Variants in AGBL1 observed in about 807,000 individuals in gnomAD.
AGBL1 encodes the protein cytosolic carboxypeptidase 4.
A neutral mutation model predicts 118.9 loss-of-function variants in AGBL1; 130 were observed. That is an observed-to-expected ratio of 1.09 (90% CI 0.95 to 1.26). The LOEUF is 1.26. Among genes scored for constraint, AGBL1 ranks in the 50% most tolerant of loss-of-function variants. The pLI is 0.00. For missense variants in AGBL1, 1,584 were observed against 1,298.1 expected (o/e 1.22, Z -3.38); for synonymous variants, 555 against 478.9 (o/e 1.16, Z -2.08).
chr15:86,108,464 G>A (rs1422017480), intron 1 of AGBL1, among the ~76,000 whole-genome samples: 1 of 152,188 alleles, frequency 6.6e-6, no homozygotes, highest in East Asian at 1.9e-4. Context: ...GAATATAGGA[G>A]ATTAGAGTGC....
chr15:86,294,273 C>T (rs1418510853), intron 16 of AGBL1, among the ~76,000 whole-genome samples: 3 of 151,718 alleles, frequency 2.0e-5, no homozygotes, highest in African/African-American at 7.3e-5. Context: ...GTCGTGGGTG[C>T]CTGTAATCCC....
intron 21 of AGBL1, among the ~76,000 whole-genome samples, chr15:86,635,311 CT>C (rs1281811643): frequency 1.1e-3 from 7 of 6,230 alleles, no homozygotes; most frequent in Non-Finnish European, 3.0e-3. Flanking sequence ...CCTCCTCCTC[CT>C]CCTCCTCCTC....
At chr15:86,127,300 G>T (rs1361943495) in intron 1 of AGBL1, among the ~76,000 whole-genome samples, 1 of 152,146 alleles carries the variant, frequency 6.6e-6, no homozygotes, top group Non-Finnish European at 1.5e-5. Flanking sequence ...ATAACATTGT[G>T]TTTATTATTG....
chr15:86,238,061 G>A (rs528091815), intron 6 of AGBL1, among the ~76,000 whole-genome samples: 148 of 152,214 alleles, frequency 9.7e-4, no homozygotes, highest in South Asian at 2.3e-3. Flanking sequence ...CAGCTCCAAT[G>A]CCCCCTCCTC....
chr15:87,025,228 AC>A (rs770388148), intron 24 of AGBL1, among the ~76,000 whole-genome samples: 3 of 151,920 alleles, frequency 2.0e-5, no homozygotes, highest in Non-Finnish European at 4.4e-5. Context: ...TACCTAGAAA[AC>A]CCTAAAGACT....
At chr15:86,927,619 T>G (rs72754060) in intron 23 of AGBL1, among the ~76,000 whole-genome samples, 5,942 of 152,168 alleles carry the variant, frequency 0.039, 157 homozygotes, top group Middle Eastern at 0.071. Context: ...TTTTAAAAAG[T>G]TACTTTAGGC....
At chr15:86,222,869 G>T (rs1344841673) in intron 5 of AGBL1, among the ~76,000 whole-genome samples, 2 of 152,096 alleles carry the variant, frequency 1.3e-5, no homozygotes, top group Non-Finnish European at 2.9e-5. Context: ...AACATCGAAA[G>T]GGTAACTAAG....
rs1365500189 is a variant in AGBL1 at position 86,554,537 on chromosome 15, G to A, written c.2994G>A (p.Gln998=). 9 of 1,501,424 alleles carry A rather than the reference G, an allele frequency of 6.0e-6. No homozygotes were observed. The highest frequency in any genetic ancestry group is 8.0e-6 in the Non-Finnish European group (9 of 1,127,210). 93.0% of individuals were successfully genotyped at this position (1,501,424 alleles called of 1,614,324 possible). ...SYCGCNQGPY[Q]GLQFGTRELE... is the part of the protein sequence containing the mutation. ...GTGGCTGCAACCAGGGCCCTTATCA[G>A]GTATGTGAGGCTGCAGGACACCCAT... is the stretch of plus-strand genomic sequence containing the variant. Residue 998 remains glutamine, a splice_region_variant and synonymous_variant, in exon 21 of 23, where the codon CAG becomes CAA. Transcript: ENST00000614907.
chr15:86,212,779 A>T (rs189029682), intron 5 of AGBL1, among the ~76,000 whole-genome samples: 1 of 152,246 alleles, frequency 6.6e-6, no homozygotes, highest in African/African-American at 2.4e-5. Context: ...CCTCCCAAGT[A>T]GCTGGGATTA....
At chr15:86,130,455 A>T (rs925575508) in intron 1 of AGBL1, among the ~76,000 whole-genome samples, 1 of 152,160 alleles carries the variant, frequency 6.6e-6, no homozygotes, top group African/African-American at 2.4e-5. Context: ...TAATTGAAAC[A>T]TGAGGAAAGC....
At chr15:86,546,440 C>T (rs1312836433) in intron 20 of AGBL1, among the ~76,000 whole-genome samples, 1 of 151,988 alleles carries the variant, frequency 6.6e-6, no homozygotes, top group Non-Finnish European at 1.5e-5. Context: ...TACAATTATT[C>T]GATTATTAAC....
At chr15:86,967,811 TC>T (rs2141697589) in intron 23 of AGBL1, among the ~76,000 whole-genome samples, 3 of 152,250 alleles carry the variant, frequency 2.0e-5, no homozygotes, top group Non-Finnish European at 4.4e-5. Context: ...CAATGTGGGC[TC>T]TTTTTTTGTT....
chr15:86,994,309 C>CTA (rs1167231030), intron 24 of AGBL1, among the ~76,000 whole-genome samples: 73 of 134,388 alleles, frequency 5.4e-4, no homozygotes, highest in African/African-American at 1.9e-3. Flanking sequence ...ATCTCTCTCT[C>CTA]TCTATATATA....
Position 86,899,565 on chromosome 15 carries a change from A to C in AGBL1, c.3159-7522A>C, listed in dbSNP as rs182926618. Among the ~76,000 whole-genome samples, 291 of 152,250 alleles carry C rather than the reference A, an allele frequency of 1.9e-3. 2 individuals are homozygous for C. The highest frequency in any genetic ancestry group is 3.4e-3 in the Middle Eastern group (1 of 294). ...TTAAAAAAGTAGCTTGAAATTCTTTATTTCAAAATCTTAAAATTCTTTAAA... is the reference window on the plus strand; with the variant it reads ...TTAAAAAAGTAGCTTGAAATTCTTTCTTTCAAAATCTTAAAATTCTTTAAA... On this transcript the variant is annotated intron_variant, in intron 22 of 22. Transcript: ENST00000614907.
intron 22 of AGBL1, among the ~76,000 whole-genome samples, chr15:86,847,737 C>T (rs1028982745): frequency 6.6e-6 from 1 of 152,294 alleles, no homozygotes; most frequent in Non-Finnish European, 1.5e-5. Context: ...CGTCCTCTTG[C>T]ACACGTATGC....
At chr15:86,491,455 G>C (rs553864197) in intron 18 of AGBL1, among the ~76,000 whole-genome samples, 1 of 152,228 alleles carries the variant, frequency 6.6e-6, no homozygotes, top group Admixed American at 6.5e-5. Context: ...AATTCTGTGA[G>C]GCTTTCAGGC....
chr15:86,379,434 T>C (rs1279813279), intron 17 of AGBL1, among the ~76,000 whole-genome samples: 1 of 152,186 alleles, frequency 6.6e-6, no homozygotes, highest in Non-Finnish European at 1.5e-5. Flanking sequence ...TCAAACTAGA[T>C]ATGGCCATAC....
At chr15:86,754,461 T>C (rs1208686097) in intron 22 of AGBL1, among the ~76,000 whole-genome samples, 1 of 152,092 alleles carries the variant, frequency 6.6e-6, no homozygotes. Flanking sequence ...TCCTCTGGAT[T>C]TTTTAAGGAT....
intron 17 of AGBL1, among the ~76,000 whole-genome samples, chr15:86,370,990 C>T (rs976420678): frequency 1.3e-5 from 2 of 152,114 alleles, no homozygotes; most frequent in Admixed American, 1.3e-4. Flanking sequence ...AAGCTATAGA[C>T]CTGACTTTGA....
Sources: allele counts gnomAD v4.1 joint callset (sites outside exome capture counted in the v4.1 genomes callset), GRCh38; gene constraint gnomAD v4.1.1; transcripts MANE v1.5; gene names NCBI Gene and HGNC (gene_info 2026-07-23, HGNC 2026-07-21).